ARHGEF18: variants seen among roughly 807,000 people sequenced by gnomAD.
ARHGEF18 encodes rho guanine nucleotide exchange factor 18.
ARHGEF18 carries 93 observed loss-of-function variants against 155.7 expected under a neutral mutation model. The observed-to-expected ratio is 0.60, with a 90% confidence interval of 0.50 to 0.71. The LOEUF is 0.71. ARHGEF18 is among the 30% of genes least tolerant of loss of function. The pLI is 0.00. For synonymous variants in ARHGEF18, 742 were observed against 753.1 expected, an observed-to-expected ratio of 0.99 and a Z score of 0.24; for missense variants, 1,593 against 1,816.1, an observed-to-expected ratio of 0.88 and a Z score of 2.23.
At chr19:7,439,908 T>C in intron 10 of ARHGEF18, 1 of 1,464,146 alleles carries the variant, frequency 6.8e-7, no homozygotes, top group Non-Finnish European at 9.0e-7. Flanking sequence ...TTTTATTCTA[T>C]CAAAGCAGCA....
intron 10 of ARHGEF18, among the ~76,000 whole-genome samples, chr19:7,410,195 GT>G (rs1167120123): frequency 6.6e-6 from 1 of 152,030 alleles, no homozygotes; most frequent in Non-Finnish European, 1.5e-5. Context: ...GGCAAACAGG[GT>G]TTTTTCTGGC....
At chr19:7,457,662 C>T (rs1230131408) in intron 18 of ARHGEF18, among the ~76,000 whole-genome samples, 1 of 152,070 alleles carries the variant, frequency 6.6e-6, no homozygotes, top group East Asian at 1.9e-4. Flanking sequence ...CACACCCGCA[C>T]ATTAATCACC....
Position 7,453,213 on chromosome 19 carries a change from C to T in ARHGEF18, c.1856-254C>T, listed in dbSNP as rs140973297. On this transcript the variant is annotated intron_variant, in intron 16 of 28. Transcript: ENST00000668164. ...CTCCGTCCACCCTACCCTCCCCCCC[C>T]CAAAAAAAACCTAAACTCTGACGTG... Among the ~76,000 whole-genome samples, 43 of 151,874 alleles carry T rather than the reference C, an allele frequency of 2.8e-4. No individual in the cohort carries two copies. In the East Asian group the frequency reaches 6.0e-3, roughly 21 times the overall value.
At chr19:7,381,211 T>A (rs1970716522) in intron 8 of ARHGEF18, among the ~76,000 whole-genome samples, 1 of 151,972 alleles carries the variant, frequency 6.6e-6, no homozygotes, top group Non-Finnish European at 1.5e-5. Context: ...TAAGCAGGGT[T>A]CTGACGGAAG....
chr19:7,456,195 G>A, intron 17 of ARHGEF18, 132 bp from the exon 18 acceptor site: 1 of 816,874 alleles, frequency 1.2e-6, no homozygotes, highest in Middle Eastern at 2.3e-4. Flanking sequence ...AAGGCAGAAA[G>A]GAAACTTCTA....
intron 10 of ARHGEF18, among the ~76,000 whole-genome samples, chr19:7,410,546 C>T (rs1033815439): frequency 2.2e-4 from 33 of 152,038 alleles, no homozygotes; most frequent in African/African-American, 7.0e-4. Flanking sequence ...TGGTGGTTCG[C>T]GCCTGTAAAT....
rs563146929 is a variant in ARHGEF18 at position 7,413,874 on chromosome 19, G to A, written c.968-26470G>A. Among the ~76,000 whole-genome samples the A allele has an allele frequency of 1.3e-4, 20 of 152,188 alleles. No individual in the cohort carries two copies. In the South Asian group the frequency reaches 4.0e-3, roughly 30 times the overall value. ...GTTAACTTAGTAGGAAGCCACCCAC[G>A]GTTCTGTCCTCTGCTGTGTCTCGGT... On this transcript the variant is annotated intron_variant, in intron 10 of 28. Transcript: ENST00000668164.
intron 15 of ARHGEF18, among the ~76,000 whole-genome samples, chr19:7,447,946 T>C (rs1167379998): frequency 6.6e-6 from 1 of 152,056 alleles, no homozygotes. Flanking sequence ...CTGGGCAACA[T>C]AGCAAGATCC....
chr19:7,444,166 G>A lies in ARHGEF18; in HGVS notation c.1361-38G>A. 6.2e-7 allele frequency: 1 copy of A among 1,601,862 alleles called. No homozygotes were observed. The highest frequency in any genetic ancestry group is 8.5e-7 in the Non-Finnish European group (1 of 1,171,786). On this transcript the variant is annotated intron_variant, in intron 13 of 28. Transcript: ENST00000668164. The surrounding 1 kb of genome is among the most constrained non-coding windows in gnomAD (Gnocchi z 4.7). The stretch of plus-strand genomic sequence containing the variant: ...CACGACTGCCCAGCGGGGCCGTGGA[G>A]CCAGCATGGCTAAGTCCTGCCGTCT...
intron 10 of ARHGEF18, among the ~76,000 whole-genome samples, chr19:7,413,307 T>G (rs1288978025): frequency 6.6e-6 from 1 of 151,126 alleles, no homozygotes; most frequent in Non-Finnish European, 1.5e-5. Context: ...TTTTTTTTTT[T>G]TCTTTTTTTT....
At chr19:7,466,154 C>A (rs1976592541) in intron 23 of ARHGEF18, among the ~76,000 whole-genome samples, 1 of 151,946 alleles carries the variant, frequency 6.6e-6, no homozygotes, top group Non-Finnish European at 1.5e-5. Flanking sequence ...GAAGCCAAGG[C>A]AGGTGGATCA....
Position 7,440,735 on chromosome 19 carries a change from TC to T in ARHGEF18, c.1106+254del, listed in dbSNP as rs1974589200. Among the ~76,000 whole-genome samples, 1 of 152,178 alleles carries T rather than the reference TC, an allele frequency of 6.6e-6. No homozygotes were observed. Among genetic ancestry groups the T allele is most frequent in the Non-Finnish European group, 1.5e-5 (1 of 68,032 alleles). ...TAGTGCCCTCGAGGGATCCTTGGAC[TC>T]GCTCCTTAGGCCGGGCTCCTGACTT... On this transcript the variant is annotated intron_variant, in intron 11 of 28. Coordinates refer to ENST00000668164, the MANE Select transcript of ARHGEF18 (RefSeq NM_001367823.1). This position sits in a 1 kb window ranked among gnomAD's most constrained non-coding sequence, Gnocchi z 5.4.
At position 7,381,684 on chromosome 19, in the gene ARHGEF18, AAATAAAT is replaced by A. The variant is rs1214420654; in HGVS notation, c.722+700_722+706del. 4.3e-5 allele frequency among the ~76,000 whole-genome samples: 6 copies of A among 138,078 alleles called. No homozygotes were observed. In the East Asian group the frequency reaches 1.2e-3, roughly 27 times the overall value. The allele number at this position is 138,078 out of a possible 152,430, so 90.6% of individuals were successfully genotyped here. On this transcript the variant is annotated intron_variant, in intron 8 of 28. Coordinates refer to ENST00000668164, the MANE Select transcript of ARHGEF18 (RefSeq NM_001367823.1). ...CAGAGTGAAACTCCGTCTCAAAAAT[AAATAAAT>A]AATAAATAAATAAATAAATAAATAA...
At chr19:7,474,461 C>T (rs767765650), downstream of ARHGEF18, among the ~76,000 whole-genome samples, 3 of 152,104 alleles carry the variant, frequency 2.0e-5, no homozygotes, top group East Asian at 1.9e-4. Flanking sequence ...TCACTGCAAC[C>T]GCCGCCTCCC....
In ARHGEF18 at chr19:7,470,829, C is replaced by G; in HGVS notation, c.*531C>G. 2.5e-6 allele frequency: 1 copy of G among 401,234 alleles called. No individual in the cohort carries two copies. Among genetic ancestry groups the G allele is most frequent in the African/African-American group, 2.0e-5 (1 of 48,816 alleles). 24.9% of individuals were successfully genotyped at this position (401,234 alleles called of 1,614,324 possible). ...CCCCAGAATCAGGCAGAATCCACTTCCCAAACAGAGCCCCACGCAGGTTCA... is the reference window on the plus strand; with the variant it reads ...CCCCAGAATCAGGCAGAATCCACTTGCCAAACAGAGCCCCACGCAGGTTCA... On this transcript the variant is annotated 3_prime_UTR_variant, in exon 29 of 29. Coordinates refer to ENST00000668164, the MANE Select transcript of ARHGEF18 (RefSeq NM_001367823.1). This position sits in a 1 kb window ranked among gnomAD's most constrained non-coding sequence, Gnocchi z 5.9.
chr19:7,451,220 A>C lies in ARHGEF18; in HGVS notation c.1809A>C (p.Ile603=), dbSNP rs1975437098. Residue 603 remains isoleucine (I), a synonymous_variant, in exon 16 of 29, where the codon ATA becomes ATC. Transcript: ENST00000668164. The part of the protein sequence containing the change: ...QECILLVTQR[I]TKYPVLVERI... ...GCATTCTCCTGGTTACACAACGCAT[A>C]ACCAAATACCCAGTGCTGGTGGAGC... 2 of 1,603,000 alleles carry C rather than the reference A, an allele frequency of 1.2e-6. No homozygotes were observed. The highest frequency in any genetic ancestry group is 2.8e-5 in the African/African-American group (2 of 71,578).
chr19:7,359,588 AAAGGCT>A (rs1165948148), intron 1 of ARHGEF18, among the ~76,000 whole-genome samples: 1 of 152,094 alleles, frequency 6.6e-6, no homozygotes. Flanking sequence ...ACACCAGGAT[AAAGGCT>A]TAGTCTATGA....
downstream of ARHGEF18, chr19:7,472,840 C>T (rs915267424): frequency 7.7e-6 from 3 of 387,250 alleles, no homozygotes; most frequent in African/African-American, 4.2e-5. Flanking sequence ...GCTGGGATTA[C>T]AGGTGTGCAC....
Position 7,407,834 on chromosome 19 carries a change from C to T in ARHGEF18, c.967+24631C>T, listed in dbSNP as rs186636770. Among the ~76,000 whole-genome samples, 1,361 of 152,012 alleles carry T rather than the reference C, an allele frequency of 9.0e-3. 26 individuals carry two copies. Among genetic ancestry groups the T allele is most frequent in the African/African-American group, 0.032 (1,309 of 41,448 alleles). On this transcript the variant is annotated intron_variant, in intron 10 of 28. Transcript: ENST00000668164. ...AAAAACTAGCCGGGCGTGGTGGCCG[C>T]GCCTGGAGTCCCAGCTACTCGGGAG... is the stretch of plus-strand genomic sequence containing the variant.
Sources: allele counts gnomAD v4.1 joint callset (sites outside exome capture counted in the v4.1 genomes callset), GRCh38; gene constraint gnomAD v4.1.1; non-coding constraint Gnocchi (gnomAD v3.1); transcripts MANE v1.5; gene names NCBI Gene and HGNC (gene_info 2026-07-23, HGNC 2026-07-21).